RADIL: variants seen among roughly 807,000 people sequenced by gnomAD.
RADIL encodes the protein ras-associating and dilute domain-containing protein.
In RADIL, 99 loss-of-function variants were observed where a neutral mutation model predicts 97.6. That is an observed-to-expected ratio of 1.01 (90% CI 0.86 to 1.20). The LOEUF (loss-of-function observed/expected upper bound fraction) is 1.20. Ranked by LOEUF, RADIL falls within the 50% of genes most tolerant of loss-of-function variation. RADIL has a pLI of 0.00. For synonymous variants in RADIL, 803 were observed against 691.8 expected, an observed-to-expected ratio of 1.16 and a Z score of -2.52; for missense variants, 1,765 against 1,498.9, an observed-to-expected ratio of 1.18 and a Z score of -2.93.
Position 4,805,651 on chromosome 7 carries a change from C to A in RADIL, c.2205G>T (p.Leu735=). The A allele has an allele frequency of 6.2e-7, 1 of 1,611,866 alleles. No homozygotes were observed. Among genetic ancestry groups the A allele is most frequent in the Non-Finnish European group, 8.5e-7 (1 of 1,179,898 alleles). The change falls in exon 10 of 15, where the codon CTG becomes CTT. Residue 735 remains leucine (L), a synonymous_variant. Transcript: ENST00000399583. Reference sequence around the variant, plus strand: ...TGGCCGAGGCCAGCTGGTAGTGAGTCAGCAGCCGGTGCAGCTGTGCTGGGC... The same window carrying A: ...TGGCCGAGGCCAGCTGGTAGTGAGTAAGCAGCCGGTGCAGCTGTGCTGGGC... ...ALSPAQLHRL[L]THYQLASAMG... is the part of the protein sequence containing the mutation.
At position 4,873,034 on chromosome 7, in the gene RADIL, T is replaced by C. The variant is rs1335519168; in HGVS notation, c.535+4571A>G. Among the ~76,000 whole-genome samples the C allele has an allele frequency of 6.6e-6, 1 of 152,040 alleles. No homozygotes were observed. The highest frequency in any genetic ancestry group is 1.9e-4 in the East Asian group (1 of 5,184). ...CTCACTGCAACCTCCGCCTCCTGGGTTCAAGCGATTCTCTGCCTCCCAAGT... is the reference window on the plus strand; with the variant it reads ...CTCACTGCAACCTCCGCCTCCTGGGCTCAAGCGATTCTCTGCCTCCCAAGT... On this transcript the variant is annotated intron_variant, in intron 2 of 14. Coordinates refer to ENST00000399583, the MANE Select transcript of RADIL (RefSeq NM_018059.5). The surrounding 1 kb of genome is among the most constrained non-coding windows in gnomAD (Gnocchi z 4.3).
intron 2 of RADIL, among the ~76,000 whole-genome samples, chr7:4,866,613 A>G (rs1026857752): frequency 2.0e-5 from 3 of 152,252 alleles, no homozygotes; most frequent in South Asian, 2.1e-4. Context: ...AAAGACAGCT[A>G]CAGAGTTTCT....
At chr7:4,862,908 A>AAT (rs1784051722) in intron 2 of RADIL, among the ~76,000 whole-genome samples, 1 of 149,274 alleles carries the variant, frequency 6.7e-6, no homozygotes, top group Admixed American at 6.6e-5. Context: ...AAAAAAAAAA[A>AAT]TAAAATTAAA....
Position 4,815,843 on chromosome 7 carries a change from T to G in RADIL, c.1966+385A>C, listed in dbSNP as rs575701673. Among the ~76,000 whole-genome samples, 4 of 152,058 alleles carry G rather than the reference T, an allele frequency of 2.6e-5. No individual in the cohort carries two copies. Among genetic ancestry groups the G allele is most frequent in the Non-Finnish European group, 5.9e-5 (4 of 67,974 alleles). On this transcript the variant is annotated intron_variant, in intron 8 of 14. Transcript: ENST00000399583. The surrounding 1 kb of genome is among the most constrained non-coding windows in gnomAD (Gnocchi z 8.0). ...CCCTGCAGGTGATGGGGGAAGTCAC[T>G]CCACAAGGCAGGGTCCAAGGCCAGA...
intron 2 of RADIL, among the ~76,000 whole-genome samples, chr7:4,870,418 G>C (rs1185194237): frequency 6.6e-6 from 1 of 152,180 alleles, no homozygotes; most frequent in Non-Finnish European, 1.5e-5. Flanking sequence ...GGAACCAACA[G>C]ATATTAACGT....
At chr7:4,845,876 C>G (rs116458138) in intron 2 of RADIL, among the ~76,000 whole-genome samples, 1 of 152,138 alleles carries the variant, frequency 6.6e-6, no homozygotes, top group Non-Finnish European at 1.5e-5. Context: ...GGGGCTGTGC[C>G]GAGGAGAGAG....
rs971768072 is a variant in RADIL, at chr7:4,824,573, C to T, written c.1455-2019G>A. Among the ~76,000 whole-genome samples the T allele has an allele frequency of 2.0e-5, 3 of 152,166 alleles. No homozygotes were observed. The highest frequency in any genetic ancestry group is 4.4e-5 in the Non-Finnish European group (3 of 68,036). On this transcript the variant is annotated intron_variant, in intron 5 of 14. Transcript: ENST00000399583. The surrounding 1 kb of genome is among the most constrained non-coding windows in gnomAD (Gnocchi z 6.7). Reference sequence around the variant, plus strand: ...CCAAAGTGTTGCCTGCTCTCTCTGACGTCACTTCACTTTTGTCCACAAACA... The same window carrying T: ...CCAAAGTGTTGCCTGCTCTCTCTGATGTCACTTCACTTTTGTCCACAAACA...
intron 2 of RADIL, among the ~76,000 whole-genome samples, chr7:4,841,832 G>A (rs1783446970): frequency 6.6e-6 from 1 of 152,230 alleles, no homozygotes; most frequent in Non-Finnish European, 1.5e-5. Context: ...ACTTTGGGAG[G>A]CCGAGGCGGG....
At position 4,817,443 on chromosome 7, in the gene RADIL, G is replaced by A; in HGVS notation, c.1616-92C>T. The A allele has an allele frequency of 8.7e-7, 1 of 1,152,448 alleles. No homozygotes were observed. Among genetic ancestry groups the A allele is most frequent in the Non-Finnish European group, 1.2e-6 (1 of 813,476 alleles). The allele number at this position is 1,152,448 out of a possible 1,614,324, so 71.4% of individuals were successfully genotyped here. On this transcript the variant is annotated intron_variant, in intron 6 of 14. Coordinates refer to ENST00000399583, the MANE Select transcript of RADIL (RefSeq NM_018059.5). This position sits in a 1 kb window ranked among gnomAD's most constrained non-coding sequence, Gnocchi z 8.3. The stretch of plus-strand genomic sequence containing the variant: ...AGCCGCCAGCTCTTTCCCTGGCGCG[G>A]GCACCACCCAACGCGCCCATCTGGG...
Position 4,872,348 on chromosome 7 carries a change from A to G in RADIL, c.535+5257T>C, listed in dbSNP as rs1583325936. ...TCCCTCAGCAAAGATGCCCCAACCTAAAATGTAACGGGAGGAAGGGAGAAA... is the reference window on the plus strand; with the variant it reads ...TCCCTCAGCAAAGATGCCCCAACCTGAAATGTAACGGGAGGAAGGGAGAAA... On this transcript the variant is annotated intron_variant, in intron 2 of 14. Coordinates refer to ENST00000399583, the MANE Select transcript of RADIL (RefSeq NM_018059.5). This position sits in a 1 kb window ranked among gnomAD's most constrained non-coding sequence, Gnocchi z 5.8. 6.6e-6 allele frequency among the ~76,000 whole-genome samples: 1 copy of G among 152,222 alleles called. No homozygotes were observed. The highest frequency in any genetic ancestry group is 1.5e-5 in the Non-Finnish European group (1 of 68,034).
chr7:4,810,444 C>T (rs932656080), intron 9 of RADIL, among the ~76,000 whole-genome samples: 8 of 152,230 alleles, frequency 5.3e-5, no homozygotes, highest in Admixed American at 1.3e-4. Flanking sequence ...GCCCAGCCGA[C>T]GGTTCAGGTG....
intron 9 of RADIL, among the ~76,000 whole-genome samples, chr7:4,811,605 A>C (rs943946859): frequency 4.1e-5 from 6 of 145,440 alleles, no homozygotes; most frequent in African/African-American, 1.5e-4. Context: ...CTCCTGCCTC[A>C]GCCTCCCAAG....
intron 2 of RADIL, among the ~76,000 whole-genome samples, chr7:4,866,142 G>A (rs944298435): frequency 1.9e-4 from 29 of 152,242 alleles, no homozygotes; most frequent in Non-Finnish European, 2.4e-4. Context: ...GTGCATGTGC[G>A]TGTGCATGTA....
Position 4,799,421 on chromosome 7 carries a change from A to T in RADIL, c.3185T>A (p.Val1062Glu). The change falls in exon 15 of 15, where the codon GTG (valine) becomes GAG (glutamate). Residue 1062 changes from valine (V) to glutamate (E), a missense_variant. Transcript: ENST00000399583. ...KMRFLVAKSDVETAKKIHFRT... is the reference protein window; with the variant it reads ...KMRFLVAKSDEETAKKIHFRT... Reference sequence around the variant, plus strand: ...GAAATGGATCTTCTTGGCTGTTTCCACGTCGGACTTCGCGACCAGGAACCG... The same window carrying T: ...GAAATGGATCTTCTTGGCTGTTTCCTCGTCGGACTTCGCGACCAGGAACCG... 1.2e-6 allele frequency: 2 copies of T among 1,613,786 alleles called. No individual in the cohort carries two copies. Among genetic ancestry groups the T allele is most frequent in the Admixed American group, 3.3e-5 (2 of 60,018 alleles).
chr7:4,815,350 A>T lies in RADIL; in HGVS notation c.2067T>A (p.Ala689=). The T allele has an allele frequency of 6.4e-7, 1 of 1,557,290 alleles. No individual in the cohort carries two copies. Among genetic ancestry groups the T allele is most frequent in the Non-Finnish European group, 8.7e-7 (1 of 1,151,634 alleles). ...AGAGCTTCTGGAAGAAGTGCTCTCC[A>T]GCCGCCCCGAAGCCGGCGCTCCGCA... is the stretch of plus-strand genomic sequence containing the variant. ...EWMRSAGFGA[A]GEHFFQKLSC... Residue 689 remains alanine, a synonymous_variant, in exon 9 of 15, where the codon GCT becomes GCA. Coordinates refer to ENST00000399583, the MANE Select transcript of RADIL (RefSeq NM_018059.5). The surrounding 1 kb of genome is among the most constrained non-coding windows in gnomAD (Gnocchi z 8.0).
chr7:4,803,961 T>C, intron 10 of RADIL: 1 of 664,334 alleles, frequency 1.5e-6, no homozygotes, highest in Non-Finnish European at 2.8e-6. Context: ...GACCACCCGG[T>C]GTGACATCCG....
chr7:4,844,550 T>G (rs374478704), intron 2 of RADIL, among the ~76,000 whole-genome samples: 3 of 152,230 alleles, frequency 2.0e-5, no homozygotes. Flanking sequence ...ATTATTATAA[T>G]TAACAAGTGA....
At position 4,803,806 on chromosome 7, in the gene RADIL, C is replaced by T. The variant is rs114077859; in HGVS notation, c.2291-52G>A. On this transcript the variant is annotated intron_variant, in intron 10 of 14. Transcript: ENST00000399583. ...TGGCCACAGGAGAAGCTGCCTCCCT[C>T]GCCAGGCCGCCCCGCCCAACGGTGT... 6,537 of 1,479,542 alleles carry T rather than the reference C, an allele frequency of 4.4e-3. 226 individuals are homozygous for T. The African/African-American group carries it at 0.079, about 18-fold the overall frequency. The allele number at this position is 1,479,542 out of a possible 1,614,324, so 91.7% of individuals were successfully genotyped here. A position where few individuals can be genotyped will look rare whatever the true frequency, so the allele number is the denominator to read the frequency against.
At chr7:4,865,509 A>G in intron 2 of RADIL, 1 of 783,388 alleles carries the variant, frequency 1.3e-6, no homozygotes. Context: ...GCTGTTAGCA[A>G]CTATGCGCAG....
Sources: gnomAD v4.1 joint callset for allele counts (sites outside exome capture counted in the v4.1 genomes callset) on GRCh38, gnomAD v4.1.1 for gene constraint, Gnocchi (gnomAD v3.1) non-coding constraint, MANE v1.5 for transcripts, NCBI Gene and HGNC (gene_info 2026-07-23, HGNC 2026-07-21) for gene names.